SYT9: variants seen among roughly 807,000 people sequenced by gnomAD.
SYT9 encodes the protein synaptotagmin 9.
Under a neutral mutation model 48.4 loss-of-function variants are expected in SYT9, and 22 were observed. That is an observed-to-expected ratio of 0.45 (90% CI 0.32 to 0.65). The LOEUF (loss-of-function observed/expected upper bound fraction) is 0.65, where lower values mean the gene tolerates loss of function less well. Among genes scored for constraint, SYT9 ranks in the 30% least tolerant of loss-of-function variants. The pLI, the probability that SYT9 is intolerant of heterozygous loss-of-function variation, is 0.03. For synonymous variants in SYT9, 265 were observed against 245.0 expected (o/e 1.08, Z -0.76); for missense variants, 577 against 622.0 (o/e 0.93, Z 0.77).
chr11:7,332,360 T>C (rs955543926), intron 3 of SYT9, among the ~76,000 whole-genome samples: 6 of 152,206 alleles, frequency 3.9e-5, no homozygotes, highest in Non-Finnish European at 1.5e-5. Context: ...GAGGAGAATT[T>C]TCCCAAGAAA....
intron 3 of SYT9, among the ~76,000 whole-genome samples, chr11:7,317,872 C>A (rs1849269092): frequency 6.6e-6 from 1 of 152,156 alleles, no homozygotes; most frequent in Non-Finnish European, 1.5e-5. Flanking sequence ...CTATGATAAG[C>A]CTTAACATCT....
At chr11:7,339,337 C>T (rs1010154272) in intron 3 of SYT9, among the ~76,000 whole-genome samples, 1 of 151,930 alleles carries the variant, frequency 6.6e-6, no homozygotes, top group African/African-American at 2.4e-5. Flanking sequence ...AAATGGGGCA[C>T]GTAATCCATT....
Position 7,261,778 on chromosome 11 carries a change from A to G in SYT9, c.145+9447A>G, listed in dbSNP as rs577394112. Among the ~76,000 whole-genome samples, 19 of 152,230 alleles carry G rather than the reference A, an allele frequency of 1.2e-4. 1 individual carries two copies. The Middle Eastern group carries it at 0.01, about 82-fold the overall frequency. On this transcript the variant is annotated intron_variant, in intron 1 of 6. Transcript: ENST00000318881. ...GCAGGAGCATGCTTGACGTGTTCAG[A>G]TATTAGCCAAGGGTTAGTATGACTG...
rs969089140 is a variant in SYT9 at position 7,468,069 on chromosome 11, C to T, written c.*1269C>T. On this transcript the variant is annotated 3_prime_UTR_variant, in exon 7 of 7. Transcript: ENST00000318881. ...GGGGGCTGTTACCTAATGGTCCTCT[C>T]TGTCCCATTATAGGTGCAAGGCACC... The T allele has an allele frequency of 1.6e-4, 62 of 388,598 alleles. No homozygotes were observed. Among genetic ancestry groups the T allele is most frequent in the Non-Finnish European group, 2.5e-4 (55 of 220,084 alleles). 24.1% of individuals were successfully genotyped at this position (388,598 alleles called of 1,614,324 possible). A position where few individuals can be genotyped will look rare whatever the true frequency, so the allele number is the denominator to read the frequency against.
rs138467146 is a variant in SYT9, at chr11:7,313,699, C to A, written c.802C>A (p.Arg268=). Reference sequence around the variant, plus strand: ...TGTCAAGATCTATTTGCTTCCTGATCGGAAAACAAAACACCAGACTAAAGT... The same window carrying A: ...TGTCAAGATCTATTTGCTTCCTGATAGGAAAACAAAACACCAGACTAAAGT... ...PYVKIYLLPD[R]KTKHQTKVHR... Residue 268 remains arginine, a synonymous_variant, in exon 3 of 7, where the codon CGG becomes AGG. Coordinates refer to ENST00000318881, the MANE Select transcript of SYT9 (RefSeq NM_175733.4). The A allele has an allele frequency of 2.1e-4, 342 of 1,614,044 alleles. No individual in the cohort carries two copies. Among genetic ancestry groups the A allele is most frequent in the Non-Finnish European group, 2.8e-4 (332 of 1,180,018 alleles).
intron 3 of SYT9, among the ~76,000 whole-genome samples, chr11:7,382,000 C>T (rs910166647): frequency 6.6e-6 from 1 of 152,094 alleles, no homozygotes; most frequent in Admixed American, 6.6e-5. Flanking sequence ...CAGAACCAAG[C>T]CTTTTCTGAA....
intron 1 of SYT9, among the ~76,000 whole-genome samples, chr11:7,244,159 G>A (rs1025181173): frequency 5.9e-5 from 9 of 152,034 alleles, no homozygotes; most frequent in South Asian, 2.1e-4. Flanking sequence ...AGTATATTTC[G>A]TATATGGTGT....
intron 1 of SYT9, among the ~76,000 whole-genome samples, chr11:7,258,709 G>T (rs755900335): frequency 6.6e-6 from 1 of 152,074 alleles, no homozygotes; most frequent in African/African-American, 2.4e-5. Flanking sequence ...GGGAGTGGAA[G>T]ATTGCTGTAA....
chr11:7,405,350 G>A (rs1041719139), intron 3 of SYT9, among the ~76,000 whole-genome samples: 2 of 152,086 alleles, frequency 1.3e-5, no homozygotes, highest in Non-Finnish European at 2.9e-5. Context: ...CCTCCAGATA[G>A]TGTCAAATGT....
intron 3 of SYT9, among the ~76,000 whole-genome samples, chr11:7,346,599 C>T (rs942440853): frequency 1.3e-5 from 2 of 152,182 alleles, no homozygotes; most frequent in African/African-American, 2.4e-5. Context: ...CTTCAGGGAG[C>T]TTGTGGTCTT....
chr11:7,324,738 TG>T (rs1849397749), intron 3 of SYT9, among the ~76,000 whole-genome samples: 1 of 152,008 alleles, frequency 6.6e-6, no homozygotes, highest in African/African-American at 2.4e-5. Flanking sequence ...AAAATGTGAT[TG>T]GATAATATGG....
At chr11:7,330,922 C>G (rs1037425714) in intron 3 of SYT9, among the ~76,000 whole-genome samples, 1 of 152,068 alleles carries the variant, frequency 6.6e-6, no homozygotes, top group Non-Finnish European at 1.5e-5. Context: ...GTCTTGAACT[C>G]CTGACCTCAA....
chr11:7,396,608 T>C (rs1846757745), intron 3 of SYT9, among the ~76,000 whole-genome samples: 1 of 152,092 alleles, frequency 6.6e-6, no homozygotes, highest in African/African-American at 2.4e-5. Context: ...GGTAAATAAC[T>C]AAGTGTGGGA....
chr11:7,308,291 T>G (rs1849068718), intron 2 of SYT9, among the ~76,000 whole-genome samples: 1 of 152,220 alleles, frequency 6.6e-6, no homozygotes, highest in Admixed American at 6.5e-5. Flanking sequence ...TTGTAGACAC[T>G]GGTGCCCGAG....
intron 6 of SYT9, among the ~76,000 whole-genome samples, chr11:7,462,864 C>A (rs1385567097): frequency 2.0e-5 from 3 of 152,038 alleles, no homozygotes; most frequent in Non-Finnish European, 1.5e-5. Context: ...TCTAATGTTT[C>A]ACTCTGTCTT....
chr11:7,249,713 A>G (rs1306001668), upstream of SYT9, among the ~76,000 whole-genome samples: 1 of 152,224 alleles, frequency 6.6e-6, no homozygotes, highest in Non-Finnish European at 1.5e-5. Context: ...ATATTGCTTT[A>G]TGTAATCTTT....
At chr11:7,389,149 T>C (rs898304941) in intron 3 of SYT9, among the ~76,000 whole-genome samples, 2 of 152,148 alleles carry the variant, frequency 1.3e-5, no homozygotes, top group Non-Finnish European at 2.9e-5. Flanking sequence ...TAAGAGTTCT[T>C]TATATGACAG....
intron 3 of SYT9, among the ~76,000 whole-genome samples, chr11:7,413,761 C>CTTTT (rs61037405): frequency 6.9e-6 from 1 of 145,544 alleles, no homozygotes; most frequent in African/African-American, 2.5e-5. Flanking sequence ...TTGTTTGTTC[C>CTTTT]TTTTTTTTTT....
At chr11:7,384,192 G>A (rs1015161139) in intron 3 of SYT9, among the ~76,000 whole-genome samples, 1 of 151,822 alleles carries the variant, frequency 6.6e-6, no homozygotes, top group African/African-American at 2.4e-5. Context: ...TAAACATGAT[G>A]TATAGCTGAA....
Sources: gnomAD v4.1 joint callset for allele counts (sites outside exome capture counted in the v4.1 genomes callset) on GRCh38, gnomAD v4.1.1 for gene constraint, MANE v1.5 for transcripts, NCBI Gene and HGNC (gene_info 2026-07-23, HGNC 2026-07-21) for gene names.